CNTN4: variants seen among roughly 807,000 people sequenced by gnomAD.
CNTN4 encodes the protein contactin 4.
CNTN4 carries 77 observed loss-of-function variants against 122.5 expected under a neutral mutation model. The observed-to-expected ratio is 0.63, with a 90% CI of 0.52 to 0.76. CNTN4 has a LOEUF of 0.76. Among genes scored for constraint, CNTN4 ranks in the 30% least tolerant of loss-of-function variants. The probability of loss-of-function intolerance (pLI) is 0.00; values close to 1 mark genes in which losing one functional copy is unlikely to be tolerated. For missense variants in CNTN4, 1,256 were observed against 1,259.1 expected (o/e 1.00, Z 0.04); for synonymous variants, 512 against 447.0 (o/e 1.15, Z -1.83).
intron 2 of CNTN4, among the ~76,000 whole-genome samples, chr3:2,221,714 A>G (rs930363524): frequency 6.6e-6 from 1 of 152,140 alleles, no homozygotes; most frequent in Non-Finnish European, 1.5e-5. Context: ...AATAATAACC[A>G]AGTTAAAACA....
chr3:2,436,624 G>T (rs1272932122), intron 3 of CNTN4, among the ~76,000 whole-genome samples: 2 of 151,838 alleles, frequency 1.3e-5, no homozygotes, highest in Non-Finnish European at 2.9e-5. Context: ...TTTAATGTTT[G>T]GTTGGGATGT....
At chr3:2,679,314 G>A (rs1030841012) in intron 4 of CNTN4, among the ~76,000 whole-genome samples, 2 of 152,118 alleles carry the variant, frequency 1.3e-5, no homozygotes, top group Admixed American at 6.6e-5. Flanking sequence ...CTTGACTGAG[G>A]GGGAGTAGGG....
chr3:2,122,346 T>C (rs1241862026), intron 2 of CNTN4, among the ~76,000 whole-genome samples: 1 of 152,178 alleles, frequency 6.6e-6, no homozygotes, highest in East Asian at 1.9e-4. Context: ...CACATATAAC[T>C]GATTTTGTCA....
chr3:2,296,688 C>T lies in CNTN4; in HGVS notation c.-144-42490C>T, dbSNP rs2042324385. On this transcript the variant is annotated intron_variant, in intron 2 of 24. Transcript: ENST00000418658. Reference sequence around the variant, plus strand: ...ACACTAACTTTGATATTGTATAGAACAAAAGGGCACAAGAAGAATAAAATG... The same window carrying T: ...ACACTAACTTTGATATTGTATAGAATAAAAGGGCACAAGAAGAATAAAATG... Among the ~76,000 whole-genome samples, 5 of 148,650 alleles carry T rather than the reference C, an allele frequency of 3.4e-5. 1 individual carries two copies. In the South Asian group the frequency reaches 1.1e-3, roughly 32 times the overall value.
Position 2,206,323 on chromosome 3 carries a change from T to C in CNTN4, c.-145+105684T>C, listed in dbSNP as rs548114659. ...CAGTATCTACAAAGGCTTCTGTATC[T>C]AGGGATGATTTTATTGTCAATATGC... On this transcript the variant is annotated intron_variant, in intron 2 of 24. Transcript: ENST00000418658. 1.1e-4 allele frequency among the ~76,000 whole-genome samples: 16 copies of C among 152,216 alleles called. No individual in the cohort carries two copies. The South Asian group carries it at 3.3e-3, about 32-fold the overall frequency.
intron 6 of CNTN4, among the ~76,000 whole-genome samples, chr3:2,794,124 G>A (rs2092096419): frequency 6.6e-6 from 1 of 152,028 alleles, no homozygotes; most frequent in Admixed American, 6.6e-5. Flanking sequence ...TCTTTTAATA[G>A]TTTGGAACAA....
chr3:2,459,439 C>A (rs1159915111), intron 3 of CNTN4, among the ~76,000 whole-genome samples: 1 of 152,094 alleles, frequency 6.6e-6, no homozygotes, highest in Non-Finnish European at 1.5e-5. Context: ...CTGCTTTTCC[C>A]ATGGCATTTT....
At position 2,485,006 on chromosome 3, in the gene CNTN4, C is replaced by T. The variant is rs958667191; in HGVS notation, c.-88-86410C>T. Reference sequence around the variant, plus strand: ...GCTCGGCGGCCCGCACTCAGAGCAGCGGGCTGGTGCCACTGGCCCCGGGCA... The same window carrying T: ...GCTCGGCGGCCCGCACTCAGAGCAGTGGGCTGGTGCCACTGGCCCCGGGCA... On this transcript the variant is annotated intron_variant, in intron 3 of 24. Coordinates refer to ENST00000418658, the MANE Select transcript of CNTN4 (RefSeq NM_175607.3). Among the ~76,000 whole-genome samples the T allele has an allele frequency of 5.3e-5, 8 of 152,204 alleles. No homozygotes were observed. The East Asian group carries it at 5.8e-4, about 11-fold the overall frequency.
intron 2 of CNTN4, among the ~76,000 whole-genome samples, chr3:2,206,893 T>A (rs13059551): frequency 0.22 from 30,865 of 143,464 alleles, 4,028 homozygotes; most frequent in Non-Finnish European, 0.3. Flanking sequence ...TTTTTTTTTT[T>A]AAAGAATTTT....
chr3:2,400,044 C>G (rs1015418773), intron 3 of CNTN4, among the ~76,000 whole-genome samples: 1 of 151,924 alleles, frequency 6.6e-6, no homozygotes, highest in Admixed American at 6.6e-5. Context: ...AGACTAATTA[C>G]GGGCTTGGGT....
chr3:2,412,876 G>GT (rs1341717808), intron 3 of CNTN4, among the ~76,000 whole-genome samples: 4 of 152,130 alleles, frequency 2.6e-5, no homozygotes, highest in South Asian at 2.1e-4. Context: ...TATATTAGCT[G>GT]TATCTTGCTT....
chr3:2,277,324 G>A (rs1221865971), intron 2 of CNTN4, among the ~76,000 whole-genome samples: 1 of 152,104 alleles, frequency 6.6e-6, no homozygotes, highest in Non-Finnish European at 1.5e-5. Context: ...TGCCTATTGA[G>A]TTGGTTTTTT....
intron 3 of CNTN4, among the ~76,000 whole-genome samples, chr3:2,361,311 G>A (rs930298354): frequency 1.6e-4 from 24 of 152,174 alleles, no homozygotes; most frequent in Admixed American, 3.9e-4. Context: ...TCAACCAGGG[G>A]CAATTTTGTC....
At chr3:2,270,303 T>G (rs1380302013) in intron 2 of CNTN4, among the ~76,000 whole-genome samples, 1 of 152,058 alleles carries the variant, frequency 6.6e-6, no homozygotes, top group East Asian at 1.9e-4. Flanking sequence ...ATATACAGGT[T>G]TGTTATATAG....
At chr3:2,820,902 A>T (rs949303229) in intron 7 of CNTN4, among the ~76,000 whole-genome samples, 2 of 149,132 alleles carry the variant, frequency 1.3e-5, no homozygotes, top group Non-Finnish European at 3.0e-5. Flanking sequence ...CAACTAACTG[A>T]AAACCCAGCT....
intron 4 of CNTN4, among the ~76,000 whole-genome samples, chr3:2,573,530 G>A (rs1348168530): frequency 1.3e-5 from 2 of 152,104 alleles, no homozygotes; most frequent in African/African-American, 4.8e-5. Flanking sequence ...TACTCTTTAA[G>A]CCATAAAGCA....
At chr3:2,280,186 G>C (rs765517310) in intron 2 of CNTN4, among the ~76,000 whole-genome samples, 3 of 151,892 alleles carry the variant, frequency 2.0e-5, no homozygotes, top group East Asian at 1.9e-4. Context: ...TCTCAAACTC[G>C]TGGGCTCAAG....
chr3:2,453,850 A>G (rs2048912731), intron 3 of CNTN4, among the ~76,000 whole-genome samples: 1 of 152,152 alleles, frequency 6.6e-6, no homozygotes, highest in Non-Finnish European at 1.5e-5. Context: ...TAATATGCAA[A>G]ATCATTAAGA....
At chr3:2,753,074 A>G (rs950950857) in intron 6 of CNTN4, among the ~76,000 whole-genome samples, 2 of 152,164 alleles carry the variant, frequency 1.3e-5, no homozygotes, top group Non-Finnish European at 2.9e-5. Context: ...TAGTGCTGCA[A>G]TAAATATGAA....
Sources: gnomAD v4.1 joint callset for allele counts (sites outside exome capture counted in the v4.1 genomes callset) on GRCh38, gnomAD v4.1.1 for gene constraint, MANE v1.5 for transcripts, NCBI Gene and HGNC (gene_info 2026-07-23, HGNC 2026-07-21) for gene names.